HEPHL1: variants seen among roughly 807,000 people sequenced by gnomAD.
HEPHL1 encodes the protein hephaestin like 1, also known as ferroxidase HEPHL1.
Under a neutral mutation model 122.0 loss-of-function variants are expected in HEPHL1, and 123 were observed. That is an observed-to-expected ratio of 1.01 (90% CI 0.87 to 1.17). HEPHL1 has a LOEUF of 1.17. Among genes scored for constraint, HEPHL1 ranks in the 50% most tolerant of loss-of-function variants. The pLI, the probability that HEPHL1 is intolerant of heterozygous loss-of-function variation, is 0.00. For missense variants in HEPHL1, 1,452 were observed against 1,430.5 expected (o/e 1.01, Z -0.24); for synonymous variants, 527 against 508.9 (o/e 1.04, Z -0.48).
rs1946063428 is a variant in HEPHL1 at position 94,070,311 on chromosome 11, T to C, written c.1064-63T>C. On this transcript the variant is annotated intron_variant, in intron 5 of 19. Coordinates refer to ENST00000315765, the MANE Select transcript of HEPHL1 (RefSeq NM_001098672.2). The stretch of plus-strand genomic sequence containing the variant: ...TTCAAGAGCCAAATCTATCAGTCTT[T>C]TCCTATATGATTCCTTTTGTGATCA... 4.7e-6 allele frequency: 7 copies of C among 1,480,518 alleles called. No individual in the cohort carries two copies. The East Asian group carries it at 1.7e-4, about 36-fold the overall frequency. 91.7% of individuals were successfully genotyped at this position (1,480,518 alleles called of 1,614,324 possible).
At chr11:94,068,643 T>C (rs1260572334) in intron 5 of HEPHL1, among the ~76,000 whole-genome samples, 1 of 152,170 alleles carries the variant, frequency 6.6e-6, no homozygotes, top group African/African-American at 2.4e-5. Flanking sequence ...TTAGCTCTTT[T>C]GGCACACTAG....
chr11:94,024,653 C>T (rs1473543555), intron 1 of HEPHL1, among the ~76,000 whole-genome samples: 4 of 152,150 alleles, frequency 2.6e-5, no homozygotes, highest in Non-Finnish European at 5.9e-5. Flanking sequence ...ATGACCCTGG[C>T]TTGTACTGAT....
intron 4 of HEPHL1, among the ~76,000 whole-genome samples, chr11:94,065,462 C>G (rs565453063): frequency 2.1e-4 from 32 of 152,292 alleles, no homozygotes; most frequent in African/African-American, 7.2e-4. Flanking sequence ...GTAAATTTGG[C>G]TGTGTTTGAT....
At chr11:94,059,677 C>T (rs1271133807) in intron 2 of HEPHL1, among the ~76,000 whole-genome samples, 1 of 152,070 alleles carries the variant, frequency 6.6e-6, no homozygotes, top group African/African-American at 2.4e-5. Flanking sequence ...TAATAAATTA[C>T]CTATCTCCAA....
chr11:94,037,275 G>A lies in HEPHL1; in HGVS notation c.171-8398G>A, dbSNP rs575663029. On this transcript the variant is annotated intron_variant, in intron 1 of 19. Transcript: ENST00000315765. The stretch of plus-strand genomic sequence containing the variant: ...GCAGTCTGAGATCAAACTGCAAGGC[G>A]GCAGCGAGGCTGGGGGAGGGGCGCC... Among the ~76,000 whole-genome samples, 596 of 151,856 alleles carry A rather than the reference G, an allele frequency of 3.9e-3. 3 individuals are homozygous for A. The highest frequency in any genetic ancestry group is 0.014 in the African/African-American group (565 of 41,366).
At chr11:94,030,372 T>C (rs1163244082) in intron 1 of HEPHL1, among the ~76,000 whole-genome samples, 1 of 152,224 alleles carries the variant, frequency 6.6e-6, no homozygotes, top group Non-Finnish European at 1.5e-5. Context: ...AACAGAATCC[T>C]GAAAAACAGA....
chr11:94,094,809 A>C (rs559279662), intron 13 of HEPHL1, among the ~76,000 whole-genome samples: 4 of 152,302 alleles, frequency 2.6e-5, no homozygotes, highest in South Asian at 4.1e-4. Flanking sequence ...TTTGAGAAGC[A>C]TCTGTTCATA....
rs79239202 is a variant in HEPHL1, at chr11:94,074,266, T to G, written c.1504+827T>G. ...AACAATTCCTAAAACCATCCTCTCC[T>G]CTTTGGTCAAAATACCAAAATGGCT... is the stretch of plus-strand genomic sequence containing the variant. On this transcript the variant is annotated intron_variant, in intron 8 of 19. Transcript: ENST00000315765. Among the ~76,000 whole-genome samples, 4 of 152,202 alleles carry G rather than the reference T, an allele frequency of 2.6e-5. No homozygotes were observed. The East Asian group carries it at 7.7e-4, about 29-fold the overall frequency.
chr11:94,046,040 C>G, intron 2 of HEPHL1, 123 bp downstream of exon 2: 1 of 691,762 alleles, frequency 1.4e-6, no homozygotes, highest in Non-Finnish European at 2.3e-6. Context: ...TCTCTGTCTG[C>G]TTCTCCATCC....
chr11:94,104,605 C>A lies in HEPHL1; in HGVS notation c.2760C>A (p.Asp920Glu), dbSNP rs148114445. ...TGAATGAAAAGGGAAGAAGAAGTGA[C>A]GTTGATTATGAATTTGCTCTCTTGT... ...GVLNEKGRRS[D>E]VDYEFALLFL... is the part of the protein sequence containing the mutation. The change falls in exon 16 of 20, where the codon GAC becomes GAA. Residue 920 changes from aspartate (D) to glutamate (E), a missense_variant. Physicochemically the swap from Asp to Glu is conservative, Grantham distance 45. Transcript: ENST00000315765. The A allele has an allele frequency of 6.4e-3, 10,394 of 1,613,606 alleles. 89 individuals are homozygous for A. The highest frequency in any genetic ancestry group is 0.028 in the South Asian group (2,538 of 91,052).
intron 1 of HEPHL1, among the ~76,000 whole-genome samples, chr11:94,036,978 G>C (rs1291593024): frequency 6.6e-6 from 1 of 152,222 alleles, no homozygotes; most frequent in Non-Finnish European, 1.5e-5. Context: ...TCACTAGGGA[G>C]TGCCAGACAG....
chr11:94,037,114 A>G (rs1246338262), intron 1 of HEPHL1, among the ~76,000 whole-genome samples: 1 of 152,140 alleles, frequency 6.6e-6, no homozygotes, highest in African/African-American at 2.4e-5. Flanking sequence ...TGACGGACGC[A>G]CCTGGAAAAT....
At chr11:94,096,516 G>C (rs1033301103) in intron 13 of HEPHL1, among the ~76,000 whole-genome samples, 1 of 152,178 alleles carries the variant, frequency 6.6e-6, no homozygotes, top group Non-Finnish European at 1.5e-5. Flanking sequence ...TTGGTATCAG[G>C]ATGATGCTGG....
intron 11 of HEPHL1, among the ~76,000 whole-genome samples, chr11:94,087,625 G>A (rs960990641): frequency 6.6e-6 from 1 of 151,942 alleles, no homozygotes; most frequent in Non-Finnish European, 1.5e-5. Flanking sequence ...TTTGTTCTTA[G>A]AGGAGACAAT....
At chr11:94,108,011 T>C (rs1438066599) in intron 17 of HEPHL1, among the ~76,000 whole-genome samples, 1 of 152,218 alleles carries the variant, frequency 6.6e-6, no homozygotes, top group South Asian at 2.1e-4. Flanking sequence ...CAAGGAAATA[T>C]ACGAGAACTC....
At chr11:94,049,833 A>G (rs1243572376) in intron 2 of HEPHL1, among the ~76,000 whole-genome samples, 1 of 151,966 alleles carries the variant, frequency 6.6e-6, no homozygotes, top group Non-Finnish European at 1.5e-5. Flanking sequence ...TTCCCTCCAT[A>G]TATATATTTG....
At chr11:94,079,820 G>C (rs974887907) in intron 9 of HEPHL1, among the ~76,000 whole-genome samples, 1 of 152,160 alleles carries the variant, frequency 6.6e-6, no homozygotes, top group African/African-American at 2.4e-5. Context: ...TGACATTGCT[G>C]AGGGTCCCTC....
At chr11:94,081,395 A>G (rs998259533) in intron 9 of HEPHL1, among the ~76,000 whole-genome samples, 1 of 152,226 alleles carries the variant, frequency 6.6e-6, no homozygotes. Context: ...CCACCATGGC[A>G]CATGTTTACC....
chr11:94,075,551 T>C (rs1434341100), intron 9 of HEPHL1, among the ~76,000 whole-genome samples, 166 bp downstream of exon 9: 1 of 152,172 alleles, frequency 6.6e-6, no homozygotes, highest in Non-Finnish European at 1.5e-5. Flanking sequence ...CTGGTGAAAA[T>C]GTAAGATCTA....
Sources: allele counts gnomAD v4.1 joint callset (sites outside exome capture counted in the v4.1 genomes callset), GRCh38; gene constraint gnomAD v4.1.1; transcripts MANE v1.5; gene names NCBI Gene and HGNC (gene_info 2026-07-23, HGNC 2026-07-21).